SAP130: variants seen among roughly 807,000 people sequenced by gnomAD.
SAP130 encodes histone deacetylase complex subunit SAP130.
SAP130 carries 16 observed loss-of-function variants against 103.2 expected under a neutral mutation model. That is an observed-to-expected ratio of 0.16 (90% CI 0.10 to 0.24). The LOEUF (loss-of-function observed/expected upper bound fraction) is 0.24, where lower values mean the gene tolerates loss of function less well. Ranked by LOEUF, SAP130 falls within the 10% of genes least tolerant of loss-of-function variation. The pLI, the probability that SAP130 is intolerant of heterozygous loss-of-function variation, is 1.00. For missense variants in SAP130, 990 were observed against 1,359.7 expected (o/e 0.73, Z 4.28); for synonymous variants, 477 against 497.0 (o/e 0.96, Z 0.53).
At chr2:127,959,593 A>G (rs916668207) in intron 15 of SAP130, among the ~76,000 whole-genome samples, 1 of 152,202 alleles carries the variant, frequency 6.6e-6, no homozygotes, top group Non-Finnish European at 1.5e-5. Flanking sequence ...GAGGCCTGCT[A>G]AAGTATAACC....
chr2:127,983,827 T>G (rs1433407843), intron 14 of SAP130, among the ~76,000 whole-genome samples: 3 of 118,682 alleles, frequency 2.5e-5, no homozygotes, highest in South Asian at 3.7e-4. Flanking sequence ...TTTGTTGTTT[T>G]TTTTTTTTTT....
chr2:127,966,717 A>T (rs1182574825), intron 15 of SAP130, among the ~76,000 whole-genome samples: 1 of 148,040 alleles, frequency 6.8e-6, no homozygotes. Context: ...AAAAGAAAGA[A>T]AAAGGACCCT....
chr2:127,983,022 G>A (rs749279973), intron 14 of SAP130, among the ~76,000 whole-genome samples: 4 of 152,158 alleles, frequency 2.6e-5, no homozygotes, highest in Non-Finnish European at 4.4e-5. Context: ...GGTGGAGGCA[G>A]GAGAAGCATT....
At chr2:128,027,857 C>G (rs1344445220) in intron 1 of SAP130, 83 bp downstream of exon 1, 4 of 885,956 alleles carry the variant, frequency 4.5e-6, no homozygotes, top group Non-Finnish European at 5.4e-6. Flanking sequence ...GGACGCGCAA[C>G]GGGACGGACG....
chr2:127,951,489 C>T (rs1679491143), intron 16 of SAP130, among the ~76,000 whole-genome samples: 2 of 152,150 alleles, frequency 1.3e-5, no homozygotes, highest in Admixed American at 6.5e-5. Flanking sequence ...TTCCTCCCCT[C>T]GGTACTCAGC....
rs1184056955 is a variant in SAP130, at chr2:128,000,035, AGAG to A, written c.1108+18_1108+20del. ...GCCTCCTTTTTCCCCAGTAGAAGGAAGAGGAGGGTCGTGGACTTACCAGCTGTG... is the reference window on the plus strand; with the variant it reads ...GCCTCCTTTTTCCCCAGTAGAAGGAAGAGGGTCGTGGACTTACCAGCTGTG... On this transcript the variant is annotated intron_variant, in intron 9 of 20. Coordinates refer to ENST00000643581, the MANE Select transcript of SAP130 (RefSeq NM_001330301.2). 3.1e-6 allele frequency: 5 copies of A among 1,609,048 alleles called. No homozygotes were observed. Among genetic ancestry groups the A allele is most frequent in the Non-Finnish European group, 3.4e-6 (4 of 1,175,412 alleles).
chr2:127,960,068 G>A (rs1184426024), intron 15 of SAP130, among the ~76,000 whole-genome samples: 1 of 152,132 alleles, frequency 6.6e-6, no homozygotes, highest in African/African-American at 2.4e-5. Context: ...TAGAATCAAT[G>A]AGGCCGAAGA....
chr2:127,941,754 G>T lies in SAP130; in HGVS notation c.*252C>A. 6.4e-6 allele frequency: 3 copies of T among 470,834 alleles called. No individual in the cohort carries two copies. Among genetic ancestry groups the T allele is most frequent in the Non-Finnish European group, 7.4e-6 (2 of 269,380 alleles). The allele number at this position is 470,834 out of a possible 1,614,324, so 29.2% of individuals were successfully genotyped here. On this transcript the variant is annotated 3_prime_UTR_variant, in exon 21 of 21. Transcript: ENST00000643581. ...TTGCTTCCAACTGGTGGACACTGAT[G>T]CATCCGGAGTCACTTATGACACAGA... is the stretch of plus-strand genomic sequence containing the variant.
intron 3 of SAP130, 86 bp from the exon 4 acceptor site, chr2:128,016,633 A>G: frequency 7.0e-7 from 1 of 1,431,196 alleles, no homozygotes; most frequent in Non-Finnish European, 9.4e-7. Flanking sequence ...CACAAATCGA[A>G]CCTGGAAAGT....
At chr2:128,002,205 A>C (rs1030668098) in intron 7 of SAP130, among the ~76,000 whole-genome samples, 1 of 152,184 alleles carries the variant, frequency 6.6e-6, no homozygotes. Flanking sequence ...GCATGAGCCA[A>C]TGTGCCCGGC....
intron 2 of SAP130, among the ~76,000 whole-genome samples, chr2:128,023,452 C>G (rs141893730): frequency 1.9e-3 from 282 of 152,242 alleles, no homozygotes; most frequent in African/African-American, 6.0e-3. Flanking sequence ...CCTTTATTCC[C>G]CCATAATGAT....
chr2:128,005,145 C>T (rs571723369), intron 7 of SAP130, among the ~76,000 whole-genome samples: 31 of 152,206 alleles, frequency 2.0e-4, no homozygotes, highest in African/African-American at 6.0e-4. Context: ...GAGAGAACAA[C>T]AGAAGAAGAC....
intron 6 of SAP130, 143 bp from the exon 7 acceptor site, chr2:128,010,536 G>A (rs1684318613): frequency 3.0e-5 from 27 of 902,660 alleles, no homozygotes; most frequent in Non-Finnish European, 4.1e-5. Flanking sequence ...TCCAATTAAG[G>A]AATTCTCTTT....
At chr2:127,991,228 C>A (rs905237893) in intron 12 of SAP130, among the ~76,000 whole-genome samples, 1 of 151,868 alleles carries the variant, frequency 6.6e-6, no homozygotes, top group Non-Finnish European at 1.5e-5. Context: ...CCAGCCTGGG[C>A]AACAGAGTGA....
chr2:128,023,760 G>A (rs1422499766), intron 2 of SAP130, among the ~76,000 whole-genome samples: 2 of 152,166 alleles, frequency 1.3e-5, no homozygotes, highest in Admixed American at 6.5e-5. Flanking sequence ...CTGGGAGACA[G>A]AGTGAGACTC....
chr2:127,947,764 C>CTGTGTGTGTGTGTGTG (rs1553500423), intron 18 of SAP130, among the ~76,000 whole-genome samples: 29 of 143,312 alleles, frequency 2.0e-4, no homozygotes, highest in Admixed American at 2.8e-4. Context: ...TTGTGTGTGT[C>CTGTGTGTGTGTGTGTG]TGTGTGTGTG....
At chr2:127,991,369 C>A (rs894428058) in intron 12 of SAP130, among the ~76,000 whole-genome samples, 2 of 152,094 alleles carry the variant, frequency 1.3e-5, no homozygotes, top group Non-Finnish European at 2.9e-5. Flanking sequence ...AAGGGTCTCG[C>A]TTTCTTGACT....
intron 12 of SAP130, among the ~76,000 whole-genome samples, chr2:127,990,999 C>T (rs1168733690): frequency 6.6e-6 from 1 of 151,666 alleles, no homozygotes; most frequent in Non-Finnish European, 1.5e-5. Flanking sequence ...GCCTGTGATC[C>T]CAGCACTTTG....
intron 2 of SAP130, among the ~76,000 whole-genome samples, chr2:128,018,754 G>A (rs1239623465): frequency 6.6e-6 from 1 of 150,468 alleles, no homozygotes; most frequent in Non-Finnish European, 1.5e-5. Context: ...CCATGATTGT[G>A]CCACTGCACT....
Sources: gnomAD v4.1 joint callset for allele counts (sites outside exome capture counted in the v4.1 genomes callset) on GRCh38, gnomAD v4.1.1 for gene constraint, MANE v1.5 for transcripts, NCBI Gene and HGNC (gene_info 2026-07-23, HGNC 2026-07-21) for gene names.